Variants in TSPOAP1 observed in about 807,000 individuals in gnomAD.
TSPOAP1 encodes TSPO associated protein 1.
In TSPOAP1, 87 loss-of-function variants were observed where a neutral mutation model predicts 197.0. The observed-to-expected ratio is 0.44, with a 90% CI of 0.37 to 0.53. TSPOAP1 has a LOEUF of 0.53. TSPOAP1 is among the 20% of genes least tolerant of loss of function. The probability of loss-of-function intolerance (pLI) is 0.00; values close to 1 mark genes in which losing one functional copy is unlikely to be tolerated. For synonymous variants in TSPOAP1, 913 were observed against 998.9 expected (o/e 0.91, Z 1.62); for missense variants, 2,174 against 2,411.3 (o/e 0.90, Z 2.06).
rs2143136973 is a variant in TSPOAP1, at chr17:58,324,475, G to T, written c.942+336C>A. Among the ~76,000 whole-genome samples, 2 of 151,942 alleles carry T rather than the reference G, an allele frequency of 1.3e-5. No individual in the cohort carries two copies. Among genetic ancestry groups the T allele is most frequent in the South Asian group, 4.1e-4 (2 of 4,830 alleles). ...TACGGCGGCGGCGGGAGGAGGCGGC[G>T]CGGGCTGGGCCCCGGGCGGCTGCCA... On this transcript the variant is annotated intron_variant, in intron 5 of 31. Coordinates refer to ENST00000343736, the MANE Select transcript of TSPOAP1 (RefSeq NM_004758.4). This position sits in a 1 kb window ranked among gnomAD's most constrained non-coding sequence, Gnocchi z 5.8.
rs1971023993 is a variant in TSPOAP1 at position 58,309,771 on chromosome 17, CTCCCCT to C, written c.3891+190_3891+195del. On this transcript the variant is annotated intron_variant, in intron 21 of 31. Coordinates refer to ENST00000343736, the MANE Select transcript of TSPOAP1 (RefSeq NM_004758.4). The surrounding 1 kb of genome is among the most constrained non-coding windows in gnomAD (Gnocchi z 5.0). ...GGAGAGAAGGTACAGAAATGAACTCCTCCCCTTCCCCTTTCTTTCCAGGAGGGCAGG... is the reference window on the plus strand; with the variant it reads ...GGAGAGAAGGTACAGAAATGAACTCCTCCCCTTTCTTTCCAGGAGGGCAGG... 6.6e-6 allele frequency among the ~76,000 whole-genome samples: 1 copy of C among 152,208 alleles called. No homozygotes were observed. The highest frequency in any genetic ancestry group is 1.5e-5 in the Non-Finnish European group (1 of 68,034).
Position 58,324,811 on chromosome 17 carries a change from C to A in TSPOAP1, c.942G>T (p.Glu314Asp), listed in dbSNP as rs1555625073. 1 of 1,458,688 alleles carries A rather than the reference C, an allele frequency of 6.9e-7. No individual in the cohort carries two copies. The highest frequency in any genetic ancestry group is 1.4e-5 in the South Asian group (1 of 73,774). The allele number at this position is 1,458,688 out of a possible 1,614,324, so 90.4% of individuals were successfully genotyped here. A position where few individuals can be genotyped will look rare whatever the true frequency, so the allele number is the denominator to read the frequency against. The change falls in exon 5 of 32, where the codon GAG becomes GAT. Residue 314 changes from glutamate to aspartate, a missense_variant and splice_region_variant. Physicochemically the swap from Glu to Asp is conservative, Grantham distance 45. Coordinates refer to ENST00000343736, the MANE Select transcript of TSPOAP1 (RefSeq NM_004758.4). The surrounding 1 kb of genome is among the most constrained non-coding windows in gnomAD (Gnocchi z 5.8). ...AGAPAPGAPG[E>D]ATPQEDADNL... ...CACCTGCCCTTGCGCCGGCGCTCAC[C>A]TCTCCCGGGGCCCCGGGAGCAGGCG...
At chr17:58,325,754 TG>T in intron 3 of TSPOAP1, 41 bp from the exon 4 acceptor site, 1 of 1,552,304 alleles carries the variant, frequency 6.4e-7, no homozygotes. Context: ...ACCTGAGGGC[TG>T]GGGCACTTCT....
At chr17:58,307,299 T>C in intron 24 of TSPOAP1, 1 of 524,994 alleles carries the variant, frequency 1.9e-6, no homozygotes. Context: ...ATAGTTAGAT[T>C]GTGCTGCCTA....
At position 58,304,848 on chromosome 17, in the gene TSPOAP1, A is replaced by G. The variant is rs750187024; in HGVS notation, c.5544+213T>C. 5 of 667,926 alleles carry G rather than the reference A, an allele frequency of 7.5e-6. No homozygotes were observed. The highest frequency in any genetic ancestry group is 7.1e-5 in the African/African-American group (4 of 56,652). The allele number at this position is 667,926 out of a possible 1,614,324, so 41.4% of individuals were successfully genotyped here. On this transcript the variant is annotated intron_variant, in intron 30 of 31. Transcript: ENST00000343736. This position sits in a 1 kb window ranked among gnomAD's most constrained non-coding sequence, Gnocchi z 4.2. ...GAGATGGCCTGAGGGTCAGGGTCACAGCTATCATCCCTCTGCAGAGAGGGG... is the reference window on the plus strand; with the variant it reads ...GAGATGGCCTGAGGGTCAGGGTCACGGCTATCATCCCTCTGCAGAGAGGGG...
intron 16 of TSPOAP1, 112 bp downstream of exon 16, chr17:58,315,911 G>GGATT: frequency 1.2e-6 from 1 of 822,012 alleles, no homozygotes; most frequent in Non-Finnish European, 2.1e-6. Context: ...ATGGATGGAT[G>GGATT]GATGGATGGA....
In TSPOAP1 at chr17:58,320,531, C is replaced by A; in HGVS notation, c.1473G>T (p.Glu491Asp). 6.6e-7 allele frequency: 1 copy of A among 1,514,254 alleles called. No homozygotes were observed. Among genetic ancestry groups the A allele is most frequent in the Non-Finnish European group, 8.8e-7 (1 of 1,132,364 alleles). The allele number at this position is 1,514,254 out of a possible 1,614,324, so 93.8% of individuals were successfully genotyped here. The change falls in exon 11 of 32, where the codon GAG (glutamate) becomes GAT (aspartate). Residue 491 changes from glutamate (E) to aspartate (D), a missense_variant and splice_region_variant. This residue lies in a region of TSPOAP1 where 1,933 missense variants were observed against 2,139.0 expected (regional missense o/e 0.90). Transcript: ENST00000343736. ...TGGGGGCCACTTCCAGGCGCCCTACCTCCAGCAGCTGCACGGCTCCTTCAT... is the reference window on the plus strand; with the variant it reads ...TGGGGGCCACTTCCAGGCGCCCTACATCCAGCAGCTGCACGGCTCCTTCAT... ...REHEGAVQLL[E>D]STLDSMQARV...
chr17:58,309,034 T>C lies in TSPOAP1; in HGVS notation c.4238A>G (p.Glu1413Gly). 1 of 1,611,658 alleles carries C rather than the reference T, an allele frequency of 6.2e-7. No homozygotes were observed. The highest frequency in any genetic ancestry group is 2.2e-5 in the East Asian group (1 of 44,870). Residue 1413 changes from glutamate to glycine, a missense_variant, in exon 22 of 32, where the codon GAG becomes GGG. Glu to Gly is a moderately conservative substitution (Grantham distance 98, BLOSUM62 -2). Around this residue, in one of 5 missense-constraint regions of TSPOAP1, gnomAD observed 1,933 missense variants for 2,139.0 expected, o/e 0.90. Transcript: ENST00000343736. This position sits in a 1 kb window ranked among gnomAD's most constrained non-coding sequence, Gnocchi z 5.0. ...AGGCCGCCTGCGGCTTGGGGGCTTC[T>C]CAGGGGAGCCCCCTCCTCTCCTCCG... is the stretch of plus-strand genomic sequence containing the variant. ...SSRRRGGGSP[E>G]KPPSRRRPPD...
At position 58,305,166 on chromosome 17, in the gene TSPOAP1, T is replaced by C; in HGVS notation, c.5439A>G (p.Glu1813=). The part of the protein sequence containing the change: ...GMDDDGFYYG[E]LNGQRGLVPS... ...GAACCAGGCCCCTTTGTCCATTTAA[T>C]TCCCCCTGGAGAGAAGAGGCCGGTG... The change falls in exon 30 of 32, where the codon GAA becomes GAG. Residue 1813 remains glutamate (E), a synonymous_variant. Coordinates refer to ENST00000343736, the MANE Select transcript of TSPOAP1 (RefSeq NM_004758.4). 1 of 1,611,842 alleles carries C rather than the reference T, an allele frequency of 6.2e-7. No homozygotes were observed. Among genetic ancestry groups the C allele is most frequent in the Non-Finnish European group, 8.5e-7 (1 of 1,178,016 alleles).
intron 14 of TSPOAP1, among the ~76,000 whole-genome samples, chr17:58,316,795 G>C (rs990179151): frequency 2.0e-5 from 3 of 152,218 alleles, no homozygotes; most frequent in Non-Finnish European, 4.4e-5. Flanking sequence ...AGCCTCTACT[G>C]CACCCGCCAG....
rs1970799141 is a variant in TSPOAP1 at position 58,304,215 on chromosome 17, T to C, written c.*32+123A>G. The C allele has an allele frequency of 1.3e-6, 1 of 783,726 alleles. No individual in the cohort carries two copies. The highest frequency in any genetic ancestry group is 1.7e-5 in the African/African-American group (1 of 58,090). The allele number at this position is 783,726 out of a possible 1,614,324, so 48.5% of individuals were successfully genotyped here. A position where few individuals can be genotyped will look rare whatever the true frequency, so the allele number is the denominator to read the frequency against. The stretch of plus-strand genomic sequence containing the variant: ...AATCTGGCTCATGGCAAGCTCTCCT[T>C]CGCCATTCCCTGGACTACAGTGGGA... On this transcript the variant is annotated intron_variant, in intron 31 of 31. Transcript: ENST00000343736. The surrounding 1 kb of genome is among the most constrained non-coding windows in gnomAD (Gnocchi z 4.2).
Position 58,320,157 on chromosome 17 carries a change from G to A in TSPOAP1, c.1474-28C>T, listed in dbSNP as rs771365325. Reference sequence around the variant, plus strand: ...GTTGCAGGAAAGGAAGCAGAGAACAGGTTAGAACCCTGAGCGCTGTGGGTT... The same window carrying A: ...GTTGCAGGAAAGGAAGCAGAGAACAAGTTAGAACCCTGAGCGCTGTGGGTT... On this transcript the variant is annotated intron_variant, in intron 11 of 31. Transcript: ENST00000343736. 6.8e-6 allele frequency: 11 copies of A among 1,614,114 alleles called. No homozygotes were observed. In the Admixed American group the frequency reaches 1.2e-4, roughly 17 times the overall value.
At chr17:58,310,295 C>T (rs2144043316) in intron 20 of TSPOAP1, 137 bp from the exon 21 acceptor site, 1 of 1,116,768 alleles carries the variant, frequency 9.0e-7, no homozygotes, top group Non-Finnish European at 1.3e-6. Context: ...ATGGGGGAGG[C>T]ACACCATGGC....
intron 7 of TSPOAP1, 83 bp downstream of exon 7, chr17:58,323,215 G>C (rs1250461507): frequency 1.3e-6 from 2 of 1,534,154 alleles, no homozygotes; most frequent in East Asian, 2.2e-5. Context: ...GCAGGGGTGG[G>C]AGCAGAGCTG....
chr17:58,324,786 C>T lies in TSPOAP1; in HGVS notation c.942+25G>A. On this transcript the variant is annotated intron_variant, in intron 5 of 31. Transcript: ENST00000343736. The surrounding 1 kb of genome is among the most constrained non-coding windows in gnomAD (Gnocchi z 5.8). ...CCCCACCCATCTGCACGCACCCACA[C>T]ACCTGCCCTTGCGCCGGCGCTCACC... 1 of 1,442,764 alleles carries T rather than the reference C, an allele frequency of 6.9e-7. No individual in the cohort carries two copies. The highest frequency in any genetic ancestry group is 9.1e-7 in the Non-Finnish European group (1 of 1,101,244). The allele number at this position is 1,442,764 out of a possible 1,614,324, so 89.4% of individuals were successfully genotyped here.
chr17:58,312,456 G>C lies in TSPOAP1; in HGVS notation c.2365C>G (p.Pro789Ala). 6.2e-7 allele frequency: 1 copy of C among 1,612,458 alleles called. No individual in the cohort carries two copies. The change falls in exon 17 of 32, where the codon CCT becomes GCT. Residue 789 changes from proline (P) to alanine (A), a missense_variant. By Grantham distance (27) the Pro-to-Ala change is conservative. Transcript: ENST00000343736. ...SPSPEGLGEPPAVPYPRRLVV... is the reference protein window; with the variant it reads ...SPSPEGLGEPAAVPYPRRLVV... Reference sequence around the variant, plus strand: ...AGACGGCGGGGGTAAGGCACGGCAGGAGGCTCGCCCAGGCCCTCCGGTGAT... The same window carrying C: ...AGACGGCGGGGGTAAGGCACGGCAGCAGGCTCGCCCAGGCCCTCCGGTGAT...
chr17:58,311,379 T>A lies in TSPOAP1; in HGVS notation c.3082-166A>T, dbSNP rs1383975531. 12 of 1,251,922 alleles carry A rather than the reference T, an allele frequency of 9.6e-6. No homozygotes were observed. In the South Asian group the frequency reaches 1.6e-4, roughly 17 times the overall value. The allele number at this position is 1,251,922 out of a possible 1,614,324, so 77.6% of individuals were successfully genotyped here. On this transcript the variant is annotated intron_variant, in intron 18 of 31. Transcript: ENST00000343736. ...CTATCTCATTTCATCCTCCTGGCCA[T>A]ATGGCTTCAGTGATGGAACAGTTCT... is the stretch of plus-strand genomic sequence containing the variant.
At position 58,309,865 on chromosome 17, in the gene TSPOAP1, T is replaced by A. The variant is rs554650161; in HGVS notation, c.3891+102A>T. The A allele has an allele frequency of 2.1e-6, 3 of 1,427,166 alleles. No individual in the cohort carries two copies. The highest frequency in any genetic ancestry group is 4.6e-5 in the East Asian group (2 of 43,780). The allele number at this position is 1,427,166 out of a possible 1,614,324, so 88.4% of individuals were successfully genotyped here. A position where few individuals can be genotyped will look rare whatever the true frequency, so the allele number is the denominator to read the frequency against. On this transcript the variant is annotated intron_variant, in intron 21 of 31. Transcript: ENST00000343736. This position sits in a 1 kb window ranked among gnomAD's most constrained non-coding sequence, Gnocchi z 5.0. ...CAGGGCCCAGGCCACAGACCTAGAA[T>A]GTTTCTGGCACTCAGTGGTGGTCAG...
In TSPOAP1 at chr17:58,312,551, T is replaced by C. The variant is rs751562769; in HGVS notation, c.2270A>G (p.Gln757Arg). 5.6e-6 allele frequency: 9 copies of C among 1,608,464 alleles called. No individual in the cohort carries two copies. The highest frequency in any genetic ancestry group is 7.6e-6 in the Non-Finnish European group (9 of 1,177,324). The change falls in exon 17 of 32, where the codon CAA (glutamine) becomes CGA (arginine). Residue 757 changes from glutamine (Q) to arginine (R), a missense_variant. Physicochemically the swap from Gln to Arg is conservative, Grantham distance 43. Transcript: ENST00000343736. ...GGGCTGGCTCCTTCCCACACTGCTT[T>C]GGCCCCCGCTACTGCTGCCACCCCC... ...VGGGGSSSGG[Q>R]SSVGRSQPRP... is the part of the protein sequence containing the mutation.
Sources: allele counts gnomAD v4.1 joint callset (sites outside exome capture counted in the v4.1 genomes callset), GRCh38; gene constraint gnomAD v4.1.1; regional missense constraint gnomAD v4.1.1; non-coding constraint Gnocchi (gnomAD v3.1); transcripts MANE v1.5; gene names NCBI Gene and HGNC (gene_info 2026-07-23, HGNC 2026-07-21).